The following BAZ2A variants were observed in gnomAD, a reference collection of about 807,000 sequenced individuals.
BAZ2A encodes the protein bromodomain adjacent to zinc finger domain 2A, also known as bromodomain adjacent to zinc finger domain protein 2A.
A neutral mutation model predicts 199.9 loss-of-function variants in BAZ2A; 34 were observed. The observed-to-expected ratio is 0.17, with a 90% CI of 0.13 to 0.23. The LOEUF (loss-of-function observed/expected upper bound fraction) is 0.23. Among genes scored for constraint, BAZ2A ranks in the 10% least tolerant of loss-of-function variants. BAZ2A has a pLI of 1.00. For synonymous variants in BAZ2A, 857 were observed against 883.9 expected (o/e 0.97, Z 0.54); for missense variants, 2,002 against 2,391.1 (o/e 0.84, Z 3.39).
In BAZ2A at chr12:56,598,851, C is replaced by A; in HGVS notation, c.5546+17G>T. The A allele has an allele frequency of 6.2e-7, 1 of 1,606,380 alleles. No individual in the cohort carries two copies. The highest frequency in any genetic ancestry group is 8.5e-7 in the Non-Finnish European group (1 of 1,176,268). ...CAGCAGTAGCAAAGACCGGGCGGTT[C>A]ACCCACATCTACTTACCCTCCCCTG... On this transcript the variant is annotated intron_variant, in intron 28 of 28. Coordinates refer to ENST00000549884, the MANE Select transcript of BAZ2A (RefSeq NM_001300905.2).
At chr12:56,610,581 A>AGC (rs764988276) in intron 7 of BAZ2A, 64 bp from the exon 8 acceptor site, 1 of 1,465,070 alleles carries the variant, frequency 6.8e-7, no homozygotes, top group East Asian at 2.4e-5. Context: ...ATGCCACCTA[A>AGC]GCGCGAAGCC....
rs977135231 is a variant in BAZ2A, at chr12:56,598,535, G to T, written c.*83C>A. On this transcript the variant is annotated 3_prime_UTR_variant, in exon 29 of 29. Coordinates refer to ENST00000549884, the MANE Select transcript of BAZ2A (RefSeq NM_001300905.2). Reference sequence around the variant, plus strand: ...TATCTGACTTGAGTCTGGACCCAGGGCAGCATCAGCAGGTGAAAATGGCAG... The same window carrying T: ...TATCTGACTTGAGTCTGGACCCAGGTCAGCATCAGCAGGTGAAAATGGCAG... 6.6e-7 allele frequency: 1 copy of T among 1,506,072 alleles called. No homozygotes were observed. Among genetic ancestry groups the T allele is most frequent in the Non-Finnish European group, 8.9e-7 (1 of 1,121,730 alleles). The allele number at this position is 1,506,072 out of a possible 1,614,324, so 93.3% of individuals were successfully genotyped here. A position where few individuals can be genotyped will look rare whatever the true frequency, so the allele number is the denominator to read the frequency against.
intron 2 of BAZ2A, among the ~76,000 whole-genome samples, chr12:56,616,789 G>A (rs1950737539): frequency 6.6e-6 from 1 of 152,132 alleles, no homozygotes; most frequent in Non-Finnish European, 1.5e-5. Context: ...TGAAACCCAA[G>A]CAAGATTACA....
At chr12:56,633,116 G>A (rs1459197196), upstream of BAZ2A, among the ~76,000 whole-genome samples, 1 of 152,122 alleles carries the variant, frequency 6.6e-6, no homozygotes, top group Non-Finnish European at 1.5e-5. Context: ...GAAGAGAATG[G>A]GGAGGGACAA....
intron 8 of BAZ2A, 36 bp downstream of exon 8, chr12:56,610,373 C>A (rs1187370049): frequency 1.2e-6 from 2 of 1,604,620 alleles, no homozygotes; most frequent in East Asian, 2.2e-5. Flanking sequence ...GTCCACTGAG[C>A]CCAAGAAAGC....
intron 10 of BAZ2A, among the ~76,000 whole-genome samples, chr12:56,609,137 C>T (rs903067204): frequency 2.6e-5 from 4 of 152,172 alleles, no homozygotes; most frequent in East Asian, 1.9e-4. Context: ...CTTGGCCTTC[C>T]GAAGTGCTGG....
chr12:56,630,846 T>C (rs1162234183), upstream of BAZ2A: 1 of 985,386 alleles, frequency 1.0e-6, no homozygotes, highest in Non-Finnish European at 1.2e-6. Flanking sequence ...AGGGCCCTGG[T>C]CACCGGAAAG....
chr12:56,610,171 G>A lies in BAZ2A; in HGVS notation c.1824C>T (p.Phe608=), dbSNP rs1187141010. 3 of 1,613,862 alleles carry A rather than the reference G, an allele frequency of 1.9e-6. No homozygotes were observed. The highest frequency in any genetic ancestry group is 3.3e-5 in the Admixed American group (2 of 59,998). The change falls in exon 9 of 29, where the codon TTC becomes TTT. Residue 608 remains phenylalanine (F), a synonymous_variant. Coordinates refer to ENST00000549884, the MANE Select transcript of BAZ2A (RefSeq NM_001300905.2). The part of the protein sequence containing the change: ...NVVHSVRREH[F]SFSPRMPVGD... ...CAACAGGCATACGGGGACTGAAGCTGAAGTGCTCTCGGCGGACACTGTGTA... is the reference window on the plus strand; with the variant it reads ...CAACAGGCATACGGGGACTGAAGCTAAAGTGCTCTCGGCGGACACTGTGTA...
In BAZ2A at chr12:56,618,685, C is replaced by T. The variant is rs151020771; in HGVS notation, c.-2-1153G>A. Among the ~76,000 whole-genome samples the T allele has an allele frequency of 2.9e-3, 436 of 151,716 alleles. 4 individuals carry two copies. The highest frequency in any genetic ancestry group is 3.6e-3 in the Non-Finnish European group (243 of 67,836). The stretch of plus-strand genomic sequence containing the variant: ...AGGAGTTCGAGACCAGCCTGACCAA[C>T]ATGGTAATACCCTGTCTCTACTAAA... On this transcript the variant is annotated intron_variant, in intron 1 of 28. Coordinates refer to ENST00000549884, the MANE Select transcript of BAZ2A (RefSeq NM_001300905.2).
chr12:56,600,148 G>C, intron 24 of BAZ2A, 52 bp from the exon 25 acceptor site: 2 of 1,612,350 alleles, frequency 1.2e-6, no homozygotes, highest in Non-Finnish European at 1.7e-6. Flanking sequence ...CACTAAAGAG[G>C]GAACTTATCC....
At position 56,597,846 on chromosome 12, in the gene BAZ2A, G is replaced by C. The variant is rs1885987248; in HGVS notation, c.*772C>G. The C allele has an allele frequency of 6.6e-6, 1 of 152,638 alleles. No homozygotes were observed. Among genetic ancestry groups the C allele is most frequent in the African/African-American group, 2.4e-5 (1 of 41,420 alleles). 9.5% of individuals were successfully genotyped at this position (152,638 alleles called of 1,614,324 possible). On this transcript the variant is annotated 3_prime_UTR_variant, in exon 29 of 29. Coordinates refer to ENST00000549884, the MANE Select transcript of BAZ2A (RefSeq NM_001300905.2). ...CCCTCTCCCCAGCTACTGAGTTTCA[G>C]AAAAGGCTGGAAACTCAGCATGTGA...
intron 3 of BAZ2A, among the ~76,000 whole-genome samples, chr12:56,614,594 C>T (rs1950658818): frequency 6.6e-6 from 1 of 152,180 alleles, no homozygotes; most frequent in African/African-American, 2.4e-5. Flanking sequence ...TGCTTCCTTC[C>T]CTCCTTCGCA....
rs1886057372 is a variant in BAZ2A, at chr12:56,598,468, G to C, written c.*150C>G. On this transcript the variant is annotated 3_prime_UTR_variant, in exon 29 of 29. Coordinates refer to ENST00000549884, the MANE Select transcript of BAZ2A (RefSeq NM_001300905.2). Reference sequence around the variant, plus strand: ...GGAGAAAGGGATGTAGGAATAAGAGGATGTGGGGCACTGCCAAGGGCAAGG... The same window carrying C: ...GGAGAAAGGGATGTAGGAATAAGAGCATGTGGGGCACTGCCAAGGGCAAGG... 1.1e-6 allele frequency: 1 copy of C among 922,826 alleles called. No individual in the cohort carries two copies. The highest frequency in any genetic ancestry group is 1.7e-5 in the African/African-American group (1 of 60,164). 57.2% of individuals were successfully genotyped at this position (922,826 alleles called of 1,614,324 possible).
intron 7 of BAZ2A, among the ~76,000 whole-genome samples, chr12:56,611,105 C>T (rs1950544742): frequency 6.6e-6 from 1 of 152,138 alleles, no homozygotes; most frequent in South Asian, 2.1e-4. Flanking sequence ...TCCAGGAAGG[C>T]AGTTATTTCC....
At chr12:56,605,471 G>A in intron 13 of BAZ2A, 144 bp from the exon 14 acceptor site, 1 of 905,792 alleles carries the variant, frequency 1.1e-6, no homozygotes, top group Non-Finnish European at 1.6e-6. Context: ...ACCCAAGCTG[G>A]AGTGCAGTGG....
At chr12:56,628,471 G>C (rs1168519470) in intron 1 of BAZ2A, among the ~76,000 whole-genome samples, 6 of 152,156 alleles carry the variant, frequency 3.9e-5, no homozygotes, top group Non-Finnish European at 1.5e-5. Context: ...GGATTAAAGA[G>C]TAAGTCATAT....
chr12:56,613,991 C>G lies in BAZ2A; in HGVS notation c.878G>C (p.Ser293Thr). Residue 293 changes from serine (S) to threonine (T), a missense_variant, in exon 4 of 29, where the codon AGT becomes ACT. Around this residue, in one of 6 missense-constraint regions of BAZ2A, gnomAD observed 641 missense variants for 694.5 expected, o/e 0.92. Transcript: ENST00000549884. ...GTTGAAGGGCTCCAGAGAGTCTTCA[C>G]TGAGGATTGGAGTGTCTTCCAGTTG... Reference protein sequence around the residue: ...PDQLEDTPILSEDSLEPFNSL... With the variant: ...PDQLEDTPILTEDSLEPFNSL... 2 of 1,613,988 alleles carry G rather than the reference C, an allele frequency of 1.2e-6. No individual in the cohort carries two copies. The highest frequency in any genetic ancestry group is 1.7e-6 in the Non-Finnish European group (2 of 1,179,876).
upstream of BAZ2A, chr12:56,634,823 G>A (rs1447828028): frequency 2.4e-6 from 2 of 828,006 alleles, no homozygotes; most frequent in African/African-American, 3.7e-5. Flanking sequence ...AGAGAGGAAG[G>A]GCAGCTCCCT....
Position 56,599,238 on chromosome 12 carries a change from C to A in BAZ2A, c.5293G>T (p.Gly1765Cys). 6.2e-7 allele frequency: 1 copy of A among 1,613,308 alleles called. No homozygotes were observed. Among genetic ancestry groups the A allele is most frequent in the Non-Finnish European group, 8.5e-7 (1 of 1,179,732 alleles). Reference sequence around the variant, plus strand: ...GGCCCTGCTGCTGGGCTTTCTCGGCCCCTCAACAGTACCCGGCGTCGGCGG... The same window carrying A: ...GGCCCTGCTGCTGGGCTTTCTCGGCACCTCAACAGTACCCGGCGTCGGCGG... ...DGRRRRVLLRGRESPAAGPRY... is the reference protein window; with the variant it reads ...DGRRRRVLLRCRESPAAGPRY... Residue 1765 changes from glycine (G) to cysteine (C), a missense_variant, in exon 27 of 29, where the codon GGC (glycine) becomes TGC (cysteine). Gly to Cys is a radical substitution (Grantham distance 159, BLOSUM62 -3). Around this residue, in one of 6 missense-constraint regions of BAZ2A, gnomAD observed 122 missense variants for 123.0 expected, o/e 0.99. Transcript: ENST00000549884.
Sources: allele counts gnomAD v4.1 joint callset (sites outside exome capture counted in the v4.1 genomes callset), GRCh38; gene constraint gnomAD v4.1.1; regional missense constraint gnomAD v4.1.1; transcripts MANE v1.5; gene names NCBI Gene and HGNC (gene_info 2026-07-23, HGNC 2026-07-21).